Variants in TTC28 observed in about 807,000 individuals in gnomAD.
The protein encoded by TTC28 is tetratricopeptide repeat protein 28.
In TTC28, 61 loss-of-function variants were observed where a neutral mutation model predicts 198.0. The observed-to-expected ratio is 0.31, with a 90% CI of 0.25 to 0.38. The LOEUF is 0.38. TTC28 is among the 10% of genes least tolerant of loss of function. The pLI is 1.00. For synonymous variants in TTC28, 1,171 were observed against 1,297.8 expected, an observed-to-expected ratio of 0.90 and a Z score of 2.10; for missense variants, 2,678 against 3,164.0, an observed-to-expected ratio of 0.85 and a Z score of 3.69.
At chr22:28,554,003 G>C (rs9625502) in intron 2 of TTC28, among the ~76,000 whole-genome samples, 1,719 of 152,166 alleles carry the variant, frequency 0.011, 19 homozygotes, top group African/African-American at 0.039. Context: ...GTAGACATGG[G>C]AGACTTTTCA....
At position 27,998,888 on chromosome 22, in the gene TTC28, C is replaced by T. The variant is rs1055884708; in HGVS notation, c.4771G>A (p.Asp1591Asn). Residue 1591 changes from aspartate (D) to asparagine (N), a missense_variant, in exon 16 of 23, where the codon GAT (aspartate) becomes AAT (asparagine). Physicochemically the swap from Asp to Asn is conservative, Grantham distance 23. Around this residue, in one of 8 missense-constraint regions of TTC28, gnomAD observed 727 missense variants for 861.9 expected, o/e 0.84. Coordinates refer to ENST00000397906, the MANE Select transcript of TTC28 (RefSeq NM_001145418.2). ...ESLRVQDDAS[D>N]GESISDCPPL... ...GGGCAGTCCGAGATGCTCTCCCCATCACTGGCATCGTCCTGCACCCGCAAG... is the reference window on the plus strand; with the variant it reads ...GGGCAGTCCGAGATGCTCTCCCCATTACTGGCATCGTCCTGCACCCGCAAG... 1 of 1,550,412 alleles carries T rather than the reference C, an allele frequency of 6.4e-7. No individual in the cohort carries two copies. The highest frequency in any genetic ancestry group is 8.7e-7 in the Non-Finnish European group (1 of 1,146,950).
intron 14 of TTC28, among the ~76,000 whole-genome samples, chr22:28,012,267 C>G (rs1220220984): frequency 6.6e-6 from 1 of 152,142 alleles, no homozygotes; most frequent in African/African-American, 2.4e-5. Flanking sequence ...CAGTTTTGGT[C>G]ATCTCATTAA....
At chr22:28,193,009 C>A (rs537398504) in intron 5 of TTC28, among the ~76,000 whole-genome samples, 1 of 151,922 alleles carries the variant, frequency 6.6e-6, no homozygotes, top group Non-Finnish European at 1.5e-5. Flanking sequence ...AAAGTTGAAA[C>A]GAAGGAAAAA....
chr22:28,024,549 C>T (rs1938744805), intron 13 of TTC28, among the ~76,000 whole-genome samples: 1 of 152,314 alleles, frequency 6.6e-6, no homozygotes, highest in African/African-American at 2.4e-5. Context: ...CAAAACTGCG[C>T]CCCAGCCAGA....
At chr22:28,444,308 T>C (rs958602680) in intron 2 of TTC28, among the ~76,000 whole-genome samples, 3 of 152,204 alleles carry the variant, frequency 2.0e-5, no homozygotes, top group African/African-American at 7.2e-5. Context: ...TTTAACTTAT[T>C]ACCCTCAGAC....
At chr22:28,567,486 A>ATATATATATATATATG in intron 2 of TTC28, among the ~76,000 whole-genome samples, 1 of 112,608 alleles carries the variant, frequency 8.9e-6, no homozygotes, top group South Asian at 2.9e-4. Flanking sequence ...ATACATATAT[A>ATATATATATATATATG]TATATATATA....
intron 2 of TTC28, among the ~76,000 whole-genome samples, chr22:28,465,561 T>C (rs1601431602): frequency 1.3e-5 from 2 of 151,902 alleles, no homozygotes; most frequent in Non-Finnish European, 2.9e-5. Context: ...GGAGTGGAAG[T>C]TGCAGTGAGC....
At chr22:28,227,133 A>C (rs934468253) in intron 5 of TTC28, among the ~76,000 whole-genome samples, 1 of 152,002 alleles carries the variant, frequency 6.6e-6, no homozygotes, top group Non-Finnish European at 1.5e-5. Context: ...GGGTCTCACT[A>C]TATTGCCCAG....
In TTC28 at chr22:27,982,525, G is replaced by GC. The variant is rs1569064143; in HGVS notation, c.7141dup (p.Ala2381GlyfsTer23). ...CCTTTTGGAAGTCATCGTGCCAGGA[G>GC]CCCCCCGGAAGATCTTCATTGGCCC... On this transcript the variant is annotated frameshift_variant, in exon 23 of 23. Transcript: ENST00000397906. LOFTEE classifies it high-confidence loss of function. This position sits in a 1 kb window ranked among gnomAD's most constrained non-coding sequence, Gnocchi z 5.2. 6.4e-7 allele frequency: 1 copy of GC among 1,551,648 alleles called. No individual in the cohort carries two copies. Among genetic ancestry groups the GC allele is most frequent in the South Asian group, 1.2e-5 (1 of 84,046 alleles).
intron 5 of TTC28, among the ~76,000 whole-genome samples, chr22:28,271,260 T>C (rs1932051278): frequency 2.0e-5 from 3 of 152,148 alleles, no homozygotes; most frequent in Admixed American, 1.3e-4. Context: ...TGGGTTAGAC[T>C]GTATACTCTT....
At chr22:28,184,180 AG>A in intron 5 of TTC28, among the ~76,000 whole-genome samples, 1 of 152,216 alleles carries the variant, frequency 6.6e-6, no homozygotes, top group Non-Finnish European at 1.5e-5. Flanking sequence ...TAAAGAGCTT[AG>A]AATTGTGTCT....
At position 28,494,601 on chromosome 22, in the gene TTC28, C is replaced by A. The variant is rs544608575; in HGVS notation, c.381+134951G>T. ...TCCTTGTTCATCCTATAAAAGCCTT[C>A]CCCTCGTGCCCTTTTTGTGAAGCCC... On this transcript the variant is annotated intron_variant, in intron 2 of 22. Coordinates refer to ENST00000397906, the MANE Select transcript of TTC28 (RefSeq NM_001145418.2). 3.9e-5 allele frequency among the ~76,000 whole-genome samples: 6 copies of A among 152,292 alleles called. No individual in the cohort carries two copies. In the South Asian group the frequency reaches 1.2e-3, roughly 32 times the overall value.
At chr22:28,566,963 C>A (rs1245928991) in intron 2 of TTC28, among the ~76,000 whole-genome samples, 3 of 151,998 alleles carry the variant, frequency 2.0e-5, no homozygotes, top group Admixed American at 2.0e-4. Context: ...ACGCCTGTAA[C>A]TCCAGCACTT....
At chr22:28,110,139 G>A (rs942366506) in intron 6 of TTC28, among the ~76,000 whole-genome samples, 2 of 152,150 alleles carry the variant, frequency 1.3e-5, no homozygotes, top group Non-Finnish European at 2.9e-5. Context: ...CTGAAGTCAG[G>A]GCAGGGCAGG....
At position 28,591,775 on chromosome 22, in the gene TTC28, A is replaced by AT. The variant is rs529924610; in HGVS notation, c.381+37776dup. On this transcript the variant is annotated intron_variant, in intron 2 of 22. Coordinates refer to ENST00000397906, the MANE Select transcript of TTC28 (RefSeq NM_001145418.2). ...GGACTACAAACAATATGACTCAAAG[A>AT]TTTTTTTTAATTCAGGTGAAGACAA... 4.5e-3 allele frequency among the ~76,000 whole-genome samples: 686 copies of AT among 152,112 alleles called. 2 individuals carry two copies. The highest frequency in any genetic ancestry group is 8.9e-3 in the African/African-American group (370 of 41,482).
chr22:28,331,751 T>G (rs1221535721), intron 2 of TTC28, among the ~76,000 whole-genome samples: 1 of 152,062 alleles, frequency 6.6e-6, no homozygotes, highest in East Asian at 1.9e-4. Context: ...CCAGAGAGAA[T>G]AAATCCATAT....
intron 2 of TTC28, among the ~76,000 whole-genome samples, chr22:28,374,592 T>C (rs1272760717): frequency 1.3e-5 from 2 of 152,346 alleles, no homozygotes; most frequent in African/African-American, 4.8e-5. Flanking sequence ...CTTGAGTTCA[T>C]TGCTTCTCTT....
chr22:28,674,441 T>C (rs1255663301), intron 1 of TTC28, among the ~76,000 whole-genome samples: 1 of 152,150 alleles, frequency 6.6e-6, no homozygotes, highest in African/African-American at 2.4e-5. Flanking sequence ...TCTAAATATA[T>C]ACCTACATCC....
rs1040508372 is a variant in TTC28, at chr22:28,640,678, C to T, written c.103-10848G>A. Among the ~76,000 whole-genome samples, 8 of 152,060 alleles carry T rather than the reference C, an allele frequency of 5.3e-5. No homozygotes were observed. The East Asian group carries it at 5.8e-4, about 11-fold the overall frequency. On this transcript the variant is annotated intron_variant, in intron 1 of 22. Coordinates refer to ENST00000397906, the MANE Select transcript of TTC28 (RefSeq NM_001145418.2). ...CAAGCTGCATACTCAACAGAAATGA[C>T]GGAAGCTGAAATAGCACCTAACATA...
Sources: allele counts gnomAD v4.1 joint callset (sites outside exome capture counted in the v4.1 genomes callset), GRCh38; gene constraint gnomAD v4.1.1; regional missense constraint gnomAD v4.1.1; non-coding constraint Gnocchi (gnomAD v3.1); transcripts MANE v1.5; gene names NCBI Gene and HGNC (gene_info 2026-07-23, HGNC 2026-07-21).